DNAAF9: variants seen among roughly 807,000 people sequenced by gnomAD.
The protein encoded by DNAAF9 is shulin.
DNAAF9 carries 90 observed loss-of-function variants against 167.0 expected under a neutral mutation model. The observed-to-expected ratio is 0.54, with a 90% CI of 0.45 to 0.64. The LOEUF is 0.64. Among genes scored for constraint, DNAAF9 ranks in the 30% least tolerant of loss-of-function variants. The pLI, the probability that DNAAF9 is intolerant of heterozygous loss-of-function variation, is 0.00. For synonymous variants in DNAAF9, 491 were observed against 508.8 expected (o/e 0.96, Z 0.47); for missense variants, 1,315 against 1,442.2 (o/e 0.91, Z 1.43).
At chr20:3,350,134 CACACAG>C (rs1158673369) in intron 7 of DNAAF9, among the ~76,000 whole-genome samples, 7 of 138,930 alleles carry the variant, frequency 5.0e-5, no homozygotes, top group South Asian at 2.3e-4. Context: ...GACACACAGA[CACACAG>C]ACACACAGAC....
intron 21 of DNAAF9, among the ~76,000 whole-genome samples, chr20:3,299,066 G>A (rs953705808): frequency 1.3e-5 from 2 of 150,350 alleles, no homozygotes; most frequent in Non-Finnish European, 3.0e-5. Flanking sequence ...GTGCCACCAT[G>A]CCCGGCTAAT....
intron 31 of DNAAF9, among the ~76,000 whole-genome samples, chr20:3,262,614 G>A (rs552367223): frequency 2.0e-5 from 3 of 152,236 alleles, no homozygotes; most frequent in East Asian, 3.9e-4. Flanking sequence ...GCCTCCAGGT[G>A]TCTGGGCCCT....
intron 30 of DNAAF9, among the ~76,000 whole-genome samples, chr20:3,264,836 G>C (rs1044214924): frequency 6.6e-6 from 1 of 152,078 alleles, no homozygotes; most frequent in Non-Finnish European, 1.5e-5. Flanking sequence ...CCAAAGTGTT[G>C]GGATTACAGG....
At chr20:3,312,076 C>T (rs1389700152) in intron 20 of DNAAF9, among the ~76,000 whole-genome samples, 1 of 151,682 alleles carries the variant, frequency 6.6e-6, no homozygotes, top group Non-Finnish European at 1.5e-5. Flanking sequence ...ACAACCTCTG[C>T]CTCCCAGGTT....
chr20:3,339,650 C>T (rs745976772), intron 10 of DNAAF9, among the ~76,000 whole-genome samples: 43 of 152,174 alleles, frequency 2.8e-4, no homozygotes, highest in Non-Finnish European at 5.0e-4. Flanking sequence ...TATGATTTTA[C>T]GGTTAAATCT....
At chr20:3,319,249 C>T (rs6115849) in intron 16 of DNAAF9, among the ~76,000 whole-genome samples, 31,878 of 123,046 alleles carry the variant, frequency 0.26, 4,200 homozygotes, top group East Asian at 0.36. Context: ...GGCAACGGAC[C>T]GAGACCCCGT....
intron 30 of DNAAF9, 109 bp from the exon 31 acceptor site, chr20:3,264,633 A>C: frequency 1.5e-6 from 1 of 675,470 alleles, no homozygotes; most frequent in East Asian, 2.7e-5. Flanking sequence ...GCAGTGGTGC[A>C]ATCTTGGCTC....
At chr20:3,385,577 C>T (rs146593452) in intron 1 of DNAAF9, among the ~76,000 whole-genome samples, 24 of 152,214 alleles carry the variant, frequency 1.6e-4, no homozygotes, top group African/African-American at 5.8e-4. Flanking sequence ...AGACACATGC[C>T]ACCACACAAG....
intron 29 of DNAAF9, among the ~76,000 whole-genome samples, chr20:3,277,813 C>G (rs992095516): frequency 1.3e-5 from 2 of 152,220 alleles, no homozygotes; most frequent in Non-Finnish European, 2.9e-5. Flanking sequence ...AGCAGCCCAA[C>G]ATACACATTC....
rs370325745 is a variant in DNAAF9 at position 3,264,514 on chromosome 20, T to C, written c.2797A>G (p.Ile933Val). ...ENGIVTRNED[I>V]ELILSENSFS... The stretch of plus-strand genomic sequence containing the variant: ...CTGTTTTCTGAGAGAATCAGCTCAA[T>C]GTCTTCATTCCTTTGAAAACACACA... The change falls in exon 31 of 37, where the codon ATT becomes GTT. Residue 933 changes from isoleucine to valine, a missense_variant. By Grantham distance (29) the Ile-to-Val change is conservative. Coordinates refer to ENST00000252032, the MANE Select transcript of DNAAF9 (RefSeq NM_001009984.3). The C allele has an allele frequency of 5.3e-6, 8 of 1,507,202 alleles. 1 individual carries two copies. The African/African-American group carries it at 5.5e-5, about 10-fold the overall frequency. 93.4% of individuals were successfully genotyped at this position (1,507,202 alleles called of 1,614,324 possible). A position where few individuals can be genotyped will look rare whatever the true frequency, so the allele number is the denominator to read the frequency against.
intron 5 of DNAAF9, among the ~76,000 whole-genome samples, chr20:3,374,386 T>C (rs1397178193): frequency 6.6e-6 from 1 of 152,242 alleles, no homozygotes; most frequent in Non-Finnish European, 1.5e-5. Context: ...CTTTACAGTA[T>C]ATTGTAACAT....
At chr20:3,371,430 G>A (rs1242312076) in intron 6 of DNAAF9, among the ~76,000 whole-genome samples, 2 of 132,430 alleles carry the variant, frequency 1.5e-5, no homozygotes, top group South Asian at 2.5e-4. Flanking sequence ...TGCAAGCTCC[G>A]CCTCCCGGGT....
At chr20:3,367,470 C>T (rs1237637398) in intron 6 of DNAAF9, among the ~76,000 whole-genome samples, 1 of 152,186 alleles carries the variant, frequency 6.6e-6, no homozygotes, top group Non-Finnish European at 1.5e-5. Flanking sequence ...TTTCAACATG[C>T]CTCCTTCACC....
rs141189184 is a variant in DNAAF9 at position 3,349,586 on chromosome 20, C to T, written c.691-963G>A. 1.8e-3 allele frequency among the ~76,000 whole-genome samples: 281 copies of T among 152,268 alleles called. 1 individual carries two copies. Among genetic ancestry groups the T allele is most frequent in the African/African-American group, 6.4e-3 (268 of 41,572 alleles). On this transcript the variant is annotated intron_variant, in intron 7 of 36. Transcript: ENST00000252032. ...CCCTCTCCTTCCTTATGCCCTCTTTCTAGTAGCCACATGAGCACTGAGAAA... is the reference window on the plus strand; with the variant it reads ...CCCTCTCCTTCCTTATGCCCTCTTTTTAGTAGCCACATGAGCACTGAGAAA...
intron 35 of DNAAF9, among the ~76,000 whole-genome samples, chr20:3,254,201 C>T (rs915035847): frequency 1.3e-5 from 2 of 152,166 alleles, no homozygotes; most frequent in Non-Finnish European, 1.5e-5. Context: ...GCCTCAGCCT[C>T]CCGAGTAGCT....
At chr20:3,279,452 T>C (rs2068729774) in intron 28 of DNAAF9, among the ~76,000 whole-genome samples, 1 of 152,156 alleles carries the variant, frequency 6.6e-6, no homozygotes, top group Admixed American at 6.5e-5. Flanking sequence ...GAATTACAAG[T>C]GAAGCAAGAG....
chr20:3,298,629 T>C (rs1158105794), intron 21 of DNAAF9, among the ~76,000 whole-genome samples: 1 of 152,130 alleles, frequency 6.6e-6, no homozygotes, highest in Non-Finnish European at 1.5e-5. Context: ...CTGGATTTTT[T>C]TCCCCTATAC....
chr20:3,314,445 G>T (rs1013868701), intron 20 of DNAAF9, among the ~76,000 whole-genome samples: 1 of 152,142 alleles, frequency 6.6e-6, no homozygotes, highest in African/African-American at 2.4e-5. Flanking sequence ...AAGGACTTCT[G>T]GGAGGAGGAG....
intron 2 of DNAAF9, 70 bp from the exon 3 acceptor site, chr20:3,381,568 C>T: frequency 6.6e-7 from 1 of 1,516,712 alleles, no homozygotes; most frequent in Non-Finnish European, 8.9e-7. Flanking sequence ...TAATTTGCCC[C>T]TGCTTAGCAA....
Sources: allele counts gnomAD v4.1 joint callset (sites outside exome capture counted in the v4.1 genomes callset), GRCh38; gene constraint gnomAD v4.1.1; transcripts MANE v1.5; gene names NCBI Gene and HGNC (gene_info 2026-07-23, HGNC 2026-07-21).